TRIM5: variants seen among roughly 807,000 people sequenced by gnomAD.
The protein encoded by TRIM5 is tripartite motif containing 5.
In TRIM5, 31 loss-of-function variants were observed where a neutral mutation model predicts 35.6. The ratio of observed to expected loss-of-function variants is 0.87; its 90% CI spans 0.65 to 1.18. TRIM5 has a LOEUF of 1.18. TRIM5 is among the 50% of genes most tolerant of loss of function. The pLI, the probability that TRIM5 is intolerant of heterozygous loss-of-function variation, is 0.00. For synonymous variants in TRIM5, 243 were observed against 215.6 expected, an observed-to-expected ratio of 1.13 and a Z score of -1.11; for missense variants, 609 against 591.6, an observed-to-expected ratio of 1.03 and a Z score of -0.31.
rs750298966 is a variant in TRIM5, at chr11:5,665,039, A to AG, written c.1251dup (p.Phe418LeufsTer19). 8.7e-6 allele frequency: 14 copies of AG among 1,614,030 alleles called. No homozygotes were observed. In the African/African-American group the frequency reaches 1.7e-4, roughly 20 times the overall value. On this transcript the variant is annotated frameshift_variant, in exon 8 of 8. Coordinates refer to ENST00000380034, the MANE Select transcript of TRIM5 (RefSeq NM_033034.3). LOFTEE classifies it low-confidence loss of function (END_TRUNC). ...ATGAAAGGAACAGAAGGAGTATGGA[A>AG]GGAACTATCCTGGAAAGCACTACAT...
intron 1 of TRIM5, among the ~76,000 whole-genome samples, chr11:5,683,708 T>C (rs1250088320): frequency 6.6e-6 from 1 of 151,988 alleles, no homozygotes; most frequent in East Asian, 1.9e-4. Context: ...GCTAATCTAG[T>C]GGGGACTGGA....
chr11:5,606,609 G>C, the TRIM5 span, among the ~76,000 whole-genome samples: 2 of 151,900 alleles, frequency 1.3e-5, no homozygotes, highest in African/African-American at 4.8e-5. Flanking sequence ...TTCCTGCTTT[G>C]CATCTTCATT....
At chr11:5,654,396 T>C in the TRIM5 span, among the ~76,000 whole-genome samples, 2 of 152,214 alleles carry the variant, frequency 1.3e-5, no homozygotes, top group African/African-American at 4.8e-5. Flanking sequence ...ATAGTGTTCA[T>C]GTAATTTATT....
chr11:5,633,956 A>G, the TRIM5 span: 3 of 1,589,460 alleles, frequency 1.9e-6, no homozygotes, highest in African/African-American at 4.1e-5. Context: ...ACCTTAATCC[A>G]AGGAGGCCTC....
the TRIM5 span, chr11:5,610,994 C>CAAA: frequency 6.2e-7 from 1 of 1,614,120 alleles, no homozygotes; most frequent in South Asian, 1.1e-5. Context: ...GGGTATGCAG[C>CAAA]AATTCACTGG....
chr11:5,601,074 CCACCT>C, the TRIM5 span, among the ~76,000 whole-genome samples: 311 of 152,334 alleles, frequency 2.0e-3, 2 homozygotes, highest in African/African-American at 7.0e-3. Context: ...GCCTTACCGG[CCACCT>C]CTCCTTACAT....
the TRIM5 span, among the ~76,000 whole-genome samples, chr11:5,651,494 T>C: frequency 6.6e-5 from 10 of 152,214 alleles, no homozygotes; most frequent in Admixed American, 5.2e-4. Context: ...TAAGAACATC[T>C]AGCATTCCAT....
intron 7 of TRIM5, 53 bp from the exon 8 acceptor site, chr11:5,665,448 A>T (rs940380409): frequency 1.3e-6 from 2 of 1,547,046 alleles, no homozygotes; most frequent in African/African-American, 2.8e-5. Context: ...TTTATTTGTG[A>T]TATGAGAGAA....
the TRIM5 span, chr11:5,596,921 C>T: frequency 1.4e-5 from 22 of 1,613,964 alleles, no homozygotes; most frequent in South Asian, 2.1e-4. Flanking sequence ...AGAGGTATGT[C>T]TACCGTTCTG....
downstream of TRIM5, among the ~76,000 whole-genome samples, chr11:5,661,538 A>C (rs1850825844): frequency 6.6e-6 from 1 of 152,050 alleles, no homozygotes; most frequent in African/African-American, 2.4e-5. Flanking sequence ...GCTTCTCCCC[A>C]GATTGTACCA....
intron 4 of TRIM5, among the ~76,000 whole-genome samples, chr11:5,676,712 G>T (rs1362608122): frequency 1.3e-5 from 2 of 149,122 alleles, no homozygotes; most frequent in East Asian, 1.9e-4. Flanking sequence ...ATACTACAAG[G>T]CTACAGTAAC....
the TRIM5 span, chr11:5,632,154 T>C: frequency 6.8e-7 from 1 of 1,478,184 alleles, no homozygotes; most frequent in South Asian, 1.4e-5. Flanking sequence ...TCATCTTCTT[T>C]GTTCTTTGAT....
At chr11:5,623,626 C>T in the TRIM5 span, among the ~76,000 whole-genome samples, 3 of 151,664 alleles carry the variant, frequency 2.0e-5, no homozygotes, top group African/African-American at 4.8e-5. Flanking sequence ...GTGATCCGCC[C>T]GCCTCAACCT....
At chr11:5,673,801 T>C (rs992428229) in intron 4 of TRIM5, among the ~76,000 whole-genome samples, 6 of 152,104 alleles carry the variant, frequency 3.9e-5, no homozygotes, top group Non-Finnish European at 2.9e-5. Flanking sequence ...AATTAAACAC[T>C]ACTTTTCTGA....
At chr11:5,592,246 T>C in the TRIM5 span, among the ~76,000 whole-genome samples, 1 of 152,242 alleles carries the variant, frequency 6.6e-6, no homozygotes, top group Non-Finnish European at 1.5e-5. Context: ...TCCAGAGCCC[T>C]GCCAAATGCT....
chr11:5,617,909 T>A, the TRIM5 span, among the ~76,000 whole-genome samples: 2 of 152,122 alleles, frequency 1.3e-5, no homozygotes, highest in Non-Finnish European at 2.9e-5. Context: ...TGGACACATA[T>A]GAAGTGGCAG....
chr11:5,669,425 C>A (rs1028135167), intron 4 of TRIM5, among the ~76,000 whole-genome samples: 2 of 152,174 alleles, frequency 1.3e-5, no homozygotes, highest in Non-Finnish European at 2.9e-5. Flanking sequence ...CTCTTTATCA[C>A]CACAAATACT....
chr11:5,667,800 T>G (rs560043317), intron 4 of TRIM5, 89 bp from the exon 5 acceptor site: 9 of 1,434,376 alleles, frequency 6.3e-6, no homozygotes, highest in African/African-American at 5.7e-5. Context: ...GTTCCTAATG[T>G]GCTGAGAATG....
the TRIM5 span, chr11:5,643,126 T>TA: frequency 0.027 from 29,616 of 1,108,250 alleles, 1,049 homozygotes; most frequent in African/African-American, 0.13. Flanking sequence ...TATATATATA[T>TA]TTTTTTTTTT....
Sources: gnomAD v4.1 joint callset for allele counts (sites outside exome capture counted in the v4.1 genomes callset) on GRCh38, gnomAD v4.1.1 for gene constraint, MANE v1.5 for transcripts, NCBI Gene and HGNC (gene_info 2026-07-23, HGNC 2026-07-21) for gene names.